The following KANK2 variants were observed in gnomAD, a reference collection of about 807,000 sequenced individuals.
KANK2 encodes KN motif and ankyrin repeat domains 2.
A neutral mutation model predicts 74.6 loss-of-function variants in KANK2; 41 were observed. The observed-to-expected ratio is 0.55, with a 90% confidence interval of 0.43 to 0.71. The LOEUF (loss-of-function observed/expected upper bound fraction) is 0.71. Ranked by LOEUF, KANK2 falls within the 30% of genes least tolerant of loss-of-function variation. The pLI, the probability that KANK2 is intolerant of heterozygous loss-of-function variation, is 0.00. For synonymous variants in KANK2, 537 were observed against 519.0 expected, an observed-to-expected ratio of 1.03 and a Z score of -0.47; for missense variants, 1,148 against 1,196.4, an observed-to-expected ratio of 0.96 and a Z score of 0.60.
chr19:11,170,492 A>C lies in KANK2; in HGVS notation c.2212-244T>G, dbSNP rs1487227637. 1.8e-6 allele frequency: 1 copy of C among 570,564 alleles called. No homozygotes were observed. The highest frequency in any genetic ancestry group is 3.1e-6 in the Non-Finnish European group (1 of 318,194). 35.3% of individuals were successfully genotyped at this position (570,564 alleles called of 1,614,324 possible). ...CGGGGGCGGAGGAAATGATGGATAC[A>C]GGTTTCCTTTGGGGGTGAAGAGAAC... On this transcript the variant is annotated intron_variant, in intron 10 of 12. Coordinates refer to ENST00000586659, the MANE Select transcript of KANK2 (RefSeq NM_001136191.3). This position sits in a 1 kb window ranked among gnomAD's most constrained non-coding sequence, Gnocchi z 5.2.
chr19:11,164,899 G>T lies in KANK2; in HGVS notation c.*1659C>A, dbSNP rs1203829437. 6.6e-6 allele frequency: 1 copy of T among 152,146 alleles called. No homozygotes were observed. Among genetic ancestry groups the T allele is most frequent in the Non-Finnish European group, 1.5e-5 (1 of 68,040 alleles). The allele number at this position is 152,146 out of a possible 1,614,324, so 9.4% of individuals were successfully genotyped here. ...AAACCAGTGCTTTGCCTTCTTTAATGAACCTGCGAGCTCTCAGCGCTTTCT... is the reference window on the plus strand; with the variant it reads ...AAACCAGTGCTTTGCCTTCTTTAATTAACCTGCGAGCTCTCAGCGCTTTCT... On this transcript the variant is annotated 3_prime_UTR_variant, in exon 13 of 13. Coordinates refer to ENST00000586659, the MANE Select transcript of KANK2 (RefSeq NM_001136191.3).
At position 11,172,984 on chromosome 19, in the gene KANK2, GCT is replaced by G; in HGVS notation, c.2206_2207del (p.Ser736ProfsTer26). 6.2e-7 allele frequency: 1 copy of G among 1,613,046 alleles called. No homozygotes were observed. Among genetic ancestry groups the G allele is most frequent in the Non-Finnish European group, 8.5e-7 (1 of 1,179,480 alleles). ...FRLGNINAKA[S>X]QAGQTALMLA... ...GCAGCAGCCGGGGTCCCCATACCTG[GCT>G]GGCTTTGGCATTGATGTTGCCAAGC... is the stretch of plus-strand genomic sequence containing the variant. On this transcript the variant is annotated frameshift_variant, in exon 10 of 13. Coordinates refer to ENST00000586659, the MANE Select transcript of KANK2 (RefSeq NM_001136191.3). LOFTEE classifies it high-confidence loss of function.
rs1307450478 is a variant in KANK2 at position 11,164,807 on chromosome 19, T to C, written c.*1751A>G. ...AAGCCCTATTTTGTTTTACGTACATTCCCTTCACTAAAAATCAAAGCAAGC... is the reference window on the plus strand; with the variant it reads ...AAGCCCTATTTTGTTTTACGTACATCCCCTTCACTAAAAATCAAAGCAAGC... On this transcript the variant is annotated 3_prime_UTR_variant, in exon 13 of 13. Transcript: ENST00000586659. 1 of 151,996 alleles carries C rather than the reference T, an allele frequency of 6.6e-6. No individual in the cohort carries two copies. Among genetic ancestry groups the C allele is most frequent in the Non-Finnish European group, 1.5e-5 (1 of 68,022 alleles). 9.4% of individuals were successfully genotyped at this position (151,996 alleles called of 1,614,324 possible). A position where few individuals can be genotyped will look rare whatever the true frequency, so the allele number is the denominator to read the frequency against.
In KANK2 at chr19:11,166,147, A is replaced by G. The variant is rs553555326; in HGVS notation, c.*411T>C. On this transcript the variant is annotated 3_prime_UTR_variant, in exon 13 of 13. Coordinates refer to ENST00000586659, the MANE Select transcript of KANK2 (RefSeq NM_001136191.3). ...AAATATGCAAGTTCCAGTGACTTTC[A>G]AATCTGGCAACAAATCCTAAGATTC... 1 of 172,680 alleles carries G rather than the reference A, an allele frequency of 5.8e-6. No homozygotes were observed. The highest frequency in any genetic ancestry group is 1.6e-4 in the South Asian group (1 of 6,066). The allele number at this position is 172,680 out of a possible 1,614,324, so 10.7% of individuals were successfully genotyped here.
chr19:11,177,647 C>T (rs144389328), intron 6 of KANK2, among the ~76,000 whole-genome samples: 156 of 152,290 alleles, frequency 1.0e-3, no homozygotes, highest in Non-Finnish European at 1.8e-3. Flanking sequence ...CCACCGCGCC[C>T]GGCCACTTCT....
chr19:11,176,499 G>T, intron 7 of KANK2, 79 bp downstream of exon 7: 1 of 1,467,388 alleles, frequency 6.8e-7, no homozygotes, highest in South Asian at 1.4e-5. Context: ...GTCCTTCAAA[G>T]GGCTTGAACG....
intron 3 of KANK2, 99 bp downstream of exon 3, chr19:11,194,376 G>A (rs2078955204): frequency 2.1e-6 from 2 of 951,658 alleles, no homozygotes; most frequent in African/African-American, 1.6e-5. Flanking sequence ...GTTGGGCTGT[G>A]TCCCACCCTC....
At chr19:11,179,910 G>A (rs751211387) in intron 4 of KANK2, among the ~76,000 whole-genome samples, 2 of 152,214 alleles carry the variant, frequency 1.3e-5, no homozygotes, top group Non-Finnish European at 2.9e-5. Context: ...ACTGAAGCTT[G>A]AGTGCAGAGA....
intron 4 of KANK2, among the ~76,000 whole-genome samples, chr19:11,189,596 T>C: frequency 1.1e-5 from 1 of 87,084 alleles, no homozygotes; most frequent in African/African-American, 4.9e-5. Context: ...AGAGCAAGAC[T>C]CTGTCTCAAA....
Position 11,192,885 on chromosome 19 carries a change from C to G in KANK2, c.1195G>C (p.Val399Leu). The change falls in exon 4 of 13, where the codon GTC (valine) becomes CTC (leucine). Residue 399 changes from valine to leucine, a missense_variant. Val to Leu is a conservative substitution (Grantham distance 32). Transcript: ENST00000586659. ...CPVPAAATSN[V>L]HMVKKISITE... ...ATGCTAATCTTCTTCACCATATGGA[C>G]GTTGCTGGTAGCTGCAGCGGGCACT... The G allele has an allele frequency of 6.2e-7, 1 of 1,613,854 alleles. No homozygotes were observed. Among genetic ancestry groups the G allele is most frequent in the Non-Finnish European group, 8.5e-7 (1 of 1,179,956 alleles).
intron 4 of KANK2, among the ~76,000 whole-genome samples, chr19:11,189,279 C>T (rs764718310): frequency 3.9e-5 from 6 of 151,948 alleles, no homozygotes; most frequent in Non-Finnish European, 5.9e-5. Flanking sequence ...TAAAGCCTCA[C>T]ATTATTCCAG....
In KANK2 at chr19:11,193,515, G is replaced by A. The variant is rs530536683; in HGVS notation, c.565C>T (p.Arg189Trp). ...CGCAGGGCACCCGCCATCTGCTCCC[G>A]CACGTGGGCCAGGTGCCCGGCACTG... Reference protein sequence around the residue: ...PPSAGHLAHVREQMAGALRKL... With the variant: ...PPSAGHLAHVWEQMAGALRKL... Residue 189 changes from arginine to tryptophan, a missense_variant, in exon 4 of 13, where the codon CGG becomes TGG. By Grantham distance (101) the Arg-to-Trp change is moderately radical. Coordinates refer to ENST00000586659, the MANE Select transcript of KANK2 (RefSeq NM_001136191.3). This position sits in a 1 kb window ranked among gnomAD's most constrained non-coding sequence, Gnocchi z 9.6. 164 of 1,608,548 alleles carry A rather than the reference G, an allele frequency of 1.0e-4. 1 individual carries two copies. The highest frequency in any genetic ancestry group is 3.3e-5 in the Admixed American group (2 of 60,010).
At position 11,193,972 on chromosome 19, in the gene KANK2, G is replaced by T. The variant is rs755784427; in HGVS notation, c.108C>A (p.Thr36=). ...CCAGGTCCAGGCGGTAGCCATAGGGGGTCTCCACGGAGTAGGGTGGATCGG... is the reference window on the plus strand; with the variant it reads ...CCAGGTCCAGGCGGTAGCCATAGGGTGTCTCCACGGAGTAGGGTGGATCGG... The part of the protein sequence containing the change: ...KDPDPPYSVE[T]PYGYRLDLDF... The change falls in exon 4 of 13, where the codon ACC becomes ACA. Residue 36 remains threonine (T), a synonymous_variant. Coordinates refer to ENST00000586659, the MANE Select transcript of KANK2 (RefSeq NM_001136191.3). This position sits in a 1 kb window ranked among gnomAD's most constrained non-coding sequence, Gnocchi z 9.6. The T allele has an allele frequency of 6.2e-7, 1 of 1,614,030 alleles. No individual in the cohort carries two copies. Among genetic ancestry groups the T allele is most frequent in the South Asian group, 1.1e-5 (1 of 91,086 alleles).
chr19:11,192,993 C>A lies in KANK2; in HGVS notation c.1087G>T (p.Gly363Trp). Residue 363 changes from glycine (G) to tryptophan (W), a missense_variant, in exon 4 of 13, where the codon GGG becomes TGG. Physicochemically the swap from Gly to Trp is radical, Grantham distance 184 (BLOSUM62 -2). Coordinates refer to ENST00000586659, the MANE Select transcript of KANK2 (RefSeq NM_001136191.3). ...CCAGGCATTGCCAGGGCCCTCAGCC[C>A]TGTGCCGTAAGGCTCCAGGCTCTGG... Reference protein sequence around the residue: ...RAQSLEPYGTGLRALAMPGRP... With the variant: ...RAQSLEPYGTWLRALAMPGRP... The A allele has an allele frequency of 6.2e-7, 1 of 1,613,998 alleles. No individual in the cohort carries two copies. The highest frequency in any genetic ancestry group is 8.5e-7 in the Non-Finnish European group (1 of 1,179,982).
rs537129742 is a variant in KANK2 at position 11,192,941 on chromosome 19, C to T, written c.1139G>A (p.Arg380His). Residue 380 changes from arginine (R) to histidine (H), a missense_variant, in exon 4 of 13, where the codon CGC becomes CAC. Arg to His is a conservative substitution (Grantham distance 29). Coordinates refer to ENST00000586659, the MANE Select transcript of KANK2 (RefSeq NM_001136191.3). Reference protein sequence around the residue: ...PGRPESPPVFRSQEVVETMCP... With the variant: ...PGRPESPPVFHSQEVVETMCP... Reference sequence around the variant, plus strand: ...CATTGTCTCCACCACCTCCTGGCTGCGGAACACAGGTGGGCTCTCAGGCCT... The same window carrying T: ...CATTGTCTCCACCACCTCCTGGCTGTGGAACACAGGTGGGCTCTCAGGCCT... The T allele has an allele frequency of 2.7e-5, 43 of 1,614,186 alleles. No individual in the cohort carries two copies. Among genetic ancestry groups the T allele is most frequent in the African/African-American group, 1.6e-4 (12 of 75,062 alleles).
At chr19:11,188,357 T>C (rs2078736890) in intron 4 of KANK2, among the ~76,000 whole-genome samples, 1 of 151,868 alleles carries the variant, frequency 6.6e-6, no homozygotes, top group South Asian at 2.1e-4. Context: ...TACAGGTGTG[T>C]GCCACCACAC....
chr19:11,189,603 CAAAAAAAAAAAAAAAAAA>C (rs56203270), intron 4 of KANK2, among the ~76,000 whole-genome samples: 4 of 43,126 alleles, frequency 9.3e-5, no homozygotes, highest in African/African-American at 1.9e-4. Context: ...GACTCTGTCT[CAAAAAAAAAAAAAAAAAA>C]AAAAAAAAAA....
chr19:11,175,386 C>G (rs1382511648), intron 8 of KANK2, among the ~76,000 whole-genome samples: 1 of 142,116 alleles, frequency 7.0e-6, no homozygotes, highest in Non-Finnish European at 1.5e-5. Context: ...TGAGATCGCA[C>G]CACTGCACTC....
At position 11,192,831 on chromosome 19, in the gene KANK2, C is replaced by G; in HGVS notation, c.1249G>C (p.Gly417Arg). The G allele has an allele frequency of 6.2e-7, 1 of 1,608,548 alleles. No individual in the cohort carries two copies. The highest frequency in any genetic ancestry group is 8.5e-7 in the Non-Finnish European group (1 of 1,177,328). Residue 417 changes from glycine (G) to arginine (R), a missense_variant and splice_region_variant, in exon 4 of 13, where the codon GGC (glycine) becomes CGC (arginine). Coordinates refer to ENST00000586659, the MANE Select transcript of KANK2 (RefSeq NM_001136191.3). ...ITERSCDGAAGLPEVPAESSS... is the reference protein window; with the variant it reads ...ITERSCDGAARLPEVPAESSS... ...CCCCTGCCTGCCTGCGACCGCTTAC[C>G]TGCTGCTCCATCGCAGCTTCGCTCT...
Sources: allele counts gnomAD v4.1 joint callset (sites outside exome capture counted in the v4.1 genomes callset), GRCh38; gene constraint gnomAD v4.1.1; non-coding constraint Gnocchi (gnomAD v3.1); transcripts MANE v1.5; gene names NCBI Gene and HGNC (gene_info 2026-07-23, HGNC 2026-07-21).